Variants in CST9L observed in about 807,000 individuals in gnomAD.
The protein encoded by CST9L is cystatin-9-like.
In CST9L, 17 loss-of-function variants were observed where a neutral mutation model predicts 13.2. That is an observed-to-expected ratio of 1.29 (90% CI 0.88 to 1.93). The LOEUF (loss-of-function observed/expected upper bound fraction) is 1.93. Ranked by LOEUF, CST9L falls within the 30% of genes most tolerant of loss-of-function variation. The pLI, the probability that CST9L is intolerant of heterozygous loss-of-function variation, is 0.00. For synonymous variants in CST9L, 78 were observed against 69.1 expected (o/e 1.13, Z -0.64); for missense variants, 170 against 170.5 (o/e 1.00, Z 0.02).
chr20:23,565,857 A>G, intron 2 of CST9L, 117 bp downstream of exon 2: 2 of 740,298 alleles, frequency 2.7e-6, no homozygotes, highest in East Asian at 2.5e-5. Context: ...GCAGCCTGGT[A>G]GAGGCTGCTG....
In CST9L at chr20:23,565,032, G is replaced by A; in HGVS notation, c.360C>T (p.Phe120=). 6.2e-7 allele frequency: 1 copy of A among 1,613,056 alleles called. No individual in the cohort carries two copies. The change falls in exon 3 of 3, where the codon TTC becomes TTT. Residue 120 remains phenylalanine (F), a synonymous_variant. Transcript: ENST00000376979. ...TGGTGCTGATGGTGAAGAAGCAGGT[G>A]AAAGTCTGAGAGAACAAGCACAGGA... The part of the protein sequence containing the change: ...FQESTELNNT[F]TCFFTISTRP...
intron 1 of CST9L, among the ~76,000 whole-genome samples, chr20:23,566,608 G>T (rs73610710): frequency 6.6e-6 from 1 of 152,190 alleles, no homozygotes; most frequent in East Asian, 1.9e-4. Context: ...ATCTGGGGCC[G>T]GGTGTGGTGG....
At position 23,568,475 on chromosome 20, in the gene CST9L, C is replaced by A. The variant is rs1362161237; in HGVS notation, c.-25G>T. ...TGGTGCTGACTGTAGGCACCGCTGACTTTGCTCTTCCCAGCCCCCGTGCCC... is the reference window on the plus strand; with the variant it reads ...TGGTGCTGACTGTAGGCACCGCTGAATTTGCTCTTCCCAGCCCCCGTGCCC... On this transcript the variant is annotated 5_prime_UTR_variant, in exon 1 of 3. Transcript: ENST00000376979. 10 of 1,609,000 alleles carry A rather than the reference C, an allele frequency of 6.2e-6. No individual in the cohort carries two copies. Among genetic ancestry groups the A allele is most frequent in the Non-Finnish European group, 7.6e-6 (9 of 1,177,334 alleles).
At position 23,568,211 on chromosome 20, in the gene CST9L, C is replaced by T. The variant is rs535740829; in HGVS notation, c.240G>A (p.Gln80=). The T allele has an allele frequency of 1.9e-6, 3 of 1,614,154 alleles. No homozygotes were observed. The highest frequency in any genetic ancestry group is 3.3e-5 in the Admixed American group (2 of 60,020). ...GGCAGGAGGGTACGTGGTCACCAAC[C>T]TGCTCCTTCCAGGAATTCAAGATGT... ...LGHILNSWKE[Q]VESKTVFSME... Residue 80 remains glutamine, a splice_region_variant and synonymous_variant, in exon 1 of 3, where the codon CAG becomes CAA. Coordinates refer to ENST00000376979, the MANE Select transcript of CST9L (RefSeq NM_080610.3).
intron 2 of CST9L, 87 bp downstream of exon 2, chr20:23,565,887 C>T: frequency 1.2e-6 from 1 of 815,040 alleles, no homozygotes; most frequent in Non-Finnish European, 2.2e-6. Flanking sequence ...TCCTCTAAGT[C>T]TCTTTGTCAG....
intron 1 of CST9L, among the ~76,000 whole-genome samples, chr20:23,567,323 C>A (rs1032050889): frequency 1.8e-4 from 28 of 152,098 alleles, no homozygotes; most frequent in African/African-American, 6.5e-4. Context: ...GCCTGGCCAA[C>A]ATAGTGAAAC....
At position 23,565,048 on chromosome 20, in the gene CST9L, A is replaced by G; in HGVS notation, c.355-11T>C. The G allele has an allele frequency of 6.2e-7, 1 of 1,601,716 alleles. No individual in the cohort carries two copies. The highest frequency in any genetic ancestry group is 8.6e-7 in the Non-Finnish European group (1 of 1,168,804). On this transcript the variant is annotated splice_polypyrimidine_tract_variant and intron_variant, in intron 2 of 2. Transcript: ENST00000376979. The stretch of plus-strand genomic sequence containing the variant: ...GAAGCAGGTGAAAGTCTGAGAGAAC[A>G]AGCACAGGAAGGGACAGTGGGTGAG...
rs1989068752 is a variant in CST9L, at chr20:23,564,874, G to A, written c.*74C>T. 1.9e-6 allele frequency: 2 copies of A among 1,028,074 alleles called. No homozygotes were observed. Among genetic ancestry groups the A allele is most frequent in the Non-Finnish European group, 3.1e-6 (2 of 645,058 alleles). 63.7% of individuals were successfully genotyped at this position (1,028,074 alleles called of 1,614,324 possible). Reference sequence around the variant, plus strand: ...TCCAAAGCTGCTCAGCCACTGAAGAGTCCTCAGGAGAGTAGTGCTGATGTC... The same window carrying A: ...TCCAAAGCTGCTCAGCCACTGAAGAATCCTCAGGAGAGTAGTGCTGATGTC... On this transcript the variant is annotated 3_prime_UTR_variant, in exon 3 of 3. Transcript: ENST00000376979.
rs138984571 is a variant in CST9L, at chr20:23,564,903, G to A, written c.*45C>T. ...TCAGGAGAGTAGTGCTGATGTCCAC[G>A]GAATGTGGGAGCAGCACATGGACAA... is the stretch of plus-strand genomic sequence containing the variant. On this transcript the variant is annotated 3_prime_UTR_variant, in exon 3 of 3. Coordinates refer to ENST00000376979, the MANE Select transcript of CST9L (RefSeq NM_080610.3). 4,096 of 1,349,852 alleles carry A rather than the reference G, an allele frequency of 3.0e-3. 21 individuals are homozygous for A. The highest frequency in any genetic ancestry group is 9.6e-3 in the Middle Eastern group (53 of 5,530). 83.6% of individuals were successfully genotyped at this position (1,349,852 alleles called of 1,614,324 possible). A position where few individuals can be genotyped will look rare whatever the true frequency, so the allele number is the denominator to read the frequency against.
At position 23,564,856 on chromosome 20, in the gene CST9L, C is replaced by A; in HGVS notation, c.*92G>T. The stretch of plus-strand genomic sequence containing the variant: ...AATAGGATAACAAACAAGTCCAAAG[C>A]TGCTCAGCCACTGAAGAGTCCTCAG... On this transcript the variant is annotated 3_prime_UTR_variant, in exon 3 of 3. Transcript: ENST00000376979. 1 of 869,446 alleles carries A rather than the reference C, an allele frequency of 1.2e-6. No homozygotes were observed. Among genetic ancestry groups the A allele is most frequent in the Non-Finnish European group, 2.0e-6 (1 of 505,096 alleles). 53.9% of individuals were successfully genotyped at this position (869,446 alleles called of 1,614,324 possible). A position where few individuals can be genotyped will look rare whatever the true frequency, so the allele number is the denominator to read the frequency against.
rs1488896124 is a variant in CST9L, at chr20:23,568,455, C to T, written c.-5G>A. 1.9e-6 allele frequency: 3 copies of T among 1,613,068 alleles called. No homozygotes were observed. The highest frequency in any genetic ancestry group is 1.1e-5 in the South Asian group (1 of 90,852). ...CTTCCACGGCAGGCCCAGCATGGTGCTGACTGTAGGCACCGCTGACTTTGC... is the reference window on the plus strand; with the variant it reads ...CTTCCACGGCAGGCCCAGCATGGTGTTGACTGTAGGCACCGCTGACTTTGC... On this transcript the variant is annotated 5_prime_UTR_variant, in exon 1 of 3. Transcript: ENST00000376979.
Position 23,564,907 on chromosome 20 carries a change from T to G in CST9L, c.*41A>C. On this transcript the variant is annotated 3_prime_UTR_variant, in exon 3 of 3. Transcript: ENST00000376979. ...GAGAGTAGTGCTGATGTCCACGGAA[T>G]GTGGGAGCAGCACATGGACAAGCCT... is the stretch of plus-strand genomic sequence containing the variant. 7.3e-7 allele frequency: 1 copy of G among 1,373,206 alleles called. No individual in the cohort carries two copies. The highest frequency in any genetic ancestry group is 1.0e-6 in the Non-Finnish European group (1 of 960,022). The allele number at this position is 1,373,206 out of a possible 1,614,324, so 85.1% of individuals were successfully genotyped here. A position where few individuals can be genotyped will look rare whatever the true frequency, so the allele number is the denominator to read the frequency against.
Position 23,566,074 on chromosome 20 carries a change from G to A in CST9L, c.254C>T (p.Thr85Ile). The A allele has an allele frequency of 6.3e-7, 1 of 1,590,620 alleles. No homozygotes were observed. The highest frequency in any genetic ancestry group is 2.2e-5 in the East Asian group (1 of 44,782). Reference sequence around the variant, plus strand: ...CAGCAGTAGCTCCATTGAGAATACAGTCTTGGACTCCACCTATTGCACACA... The same window carrying A: ...CAGCAGTAGCTCCATTGAGAATACAATCTTGGACTCCACCTATTGCACACA... ...NSWKEQVESK[T>I]VFSMELLLGR... Residue 85 changes from threonine to isoleucine, a missense_variant, in exon 2 of 3, where the codon ACT becomes ATT. By Grantham distance (89) the Thr-to-Ile change is moderately conservative. Transcript: ENST00000376979.
intron 1 of CST9L, among the ~76,000 whole-genome samples, chr20:23,566,594 C>T (rs1989098727): frequency 2.0e-5 from 3 of 152,256 alleles, no homozygotes; most frequent in South Asian, 4.1e-4. Flanking sequence ...CTTCAAGAAA[C>T]ACCATCTGGG....
chr20:23,565,830 A>G (rs771595291), intron 2 of CST9L, 144 bp downstream of exon 2: 2 of 688,052 alleles, frequency 2.9e-6, no homozygotes, highest in Non-Finnish European at 5.4e-6. Flanking sequence ...TGCGCTCCCC[A>G]CTAAGGCACA....
rs1367649522 is a variant in CST9L, at chr20:23,566,044, C to T, written c.284G>A (p.Arg95Lys). The change falls in exon 2 of 3, where the codon AGA becomes AAA. Residue 95 changes from arginine to lysine, a missense_variant. Transcript: ENST00000376979. The part of the protein sequence containing the change: ...TVFSMELLLG[R>K]TRCGKFEDDI... ...GTCTTCAAATTTCCCACACCTAGTT[C>T]TCCCCAGCAGTAGCTCCATTGAGAA... The T allele has an allele frequency of 6.2e-7, 1 of 1,610,956 alleles. No homozygotes were observed. The highest frequency in any genetic ancestry group is 1.1e-5 in the South Asian group (1 of 91,010).
chr20:23,565,276 C>T (rs1989075741), intron 2 of CST9L, among the ~76,000 whole-genome samples: 1 of 152,186 alleles, frequency 6.6e-6, no homozygotes, highest in Non-Finnish European at 1.5e-5. Flanking sequence ...TCCCCACTCC[C>T]TAGCAGTGGC....
rs1989067780 is a variant in CST9L at position 23,564,822 on chromosome 20, C to T, written c.*126G>A. 3 of 723,802 alleles carry T rather than the reference C, an allele frequency of 4.1e-6. No individual in the cohort carries two copies. The highest frequency in any genetic ancestry group is 1.9e-5 in the Admixed American group (1 of 51,442). The allele number at this position is 723,802 out of a possible 1,614,324, so 44.8% of individuals were successfully genotyped here. A position where few individuals can be genotyped will look rare whatever the true frequency, so the allele number is the denominator to read the frequency against. On this transcript the variant is annotated 3_prime_UTR_variant, in exon 3 of 3. Transcript: ENST00000376979. ...TAAAACACTGATCTGAGATCTCAAA[C>T]ACATGCAAAATAGGATAACAAACAA...
intron 1 of CST9L, among the ~76,000 whole-genome samples, chr20:23,567,199 C>T (rs1441586074): frequency 6.6e-6 from 1 of 152,066 alleles, no homozygotes; most frequent in African/African-American, 2.4e-5. Context: ...GCATTTTTGC[C>T]TCTCTACCCA....
Sources: allele counts gnomAD v4.1 joint callset (sites outside exome capture counted in the v4.1 genomes callset), GRCh38; gene constraint gnomAD v4.1.1; transcripts MANE v1.5; gene names NCBI Gene and HGNC (gene_info 2026-07-23, HGNC 2026-07-21).